Variants in PPP1R21 observed in about 807,000 individuals in gnomAD.
PPP1R21 encodes protein phosphatase 1 regulatory subunit 21.
A neutral mutation model predicts 112.8 loss-of-function variants in PPP1R21; 85 were observed. The observed-to-expected ratio is 0.75, with a 90% CI of 0.63 to 0.90. The LOEUF (loss-of-function observed/expected upper bound fraction) is 0.90. PPP1R21 is among the 40% of genes least tolerant of loss of function. The pLI, the probability that PPP1R21 is intolerant of heterozygous loss-of-function variation, is 0.00. For missense variants in PPP1R21, 1,199 were observed against 901.5 expected (o/e 1.33, Z -4.23); for synonymous variants, 381 against 322.3 (o/e 1.18, Z -1.95).
chr2:48,502,384 C>T (rs1296980118), intron 17 of PPP1R21, among the ~76,000 whole-genome samples: 1 of 148,800 alleles, frequency 6.7e-6, no homozygotes, highest in African/African-American at 2.6e-5. Context: ...GCCTTGCACA[C>T]AGTGCACAAT....
chr2:48,485,767 C>T (rs981962118), intron 13 of PPP1R21, among the ~76,000 whole-genome samples: 1 of 150,912 alleles, frequency 6.6e-6, no homozygotes, highest in African/African-American at 2.4e-5. Context: ...AAACAATCAA[C>T]AAAATTTCTT....
In PPP1R21 at chr2:48,514,908, T is replaced by G. The variant is rs1187552251; in HGVS notation, c.*164T>G. 2 of 622,806 alleles carry G rather than the reference T, an allele frequency of 3.2e-6. No individual in the cohort carries two copies. Among genetic ancestry groups the G allele is most frequent in the Non-Finnish European group, 5.6e-6 (2 of 359,522 alleles). 38.6% of individuals were successfully genotyped at this position (622,806 alleles called of 1,614,324 possible). A position where few individuals can be genotyped will look rare whatever the true frequency, so the allele number is the denominator to read the frequency against. Reference sequence around the variant, plus strand: ...AAACGGCCTTGAAATATTTAAAACATATTTGTAACCAGTGAGGCAAATACA... The same window carrying G: ...AAACGGCCTTGAAATATTTAAAACAGATTTGTAACCAGTGAGGCAAATACA... On this transcript the variant is annotated 3_prime_UTR_variant, in exon 22 of 22. Transcript: ENST00000294952.
chr2:48,461,090 C>G (rs1345323416), intron 6 of PPP1R21, 48 bp from the exon 7 acceptor site: 2 of 1,544,154 alleles, frequency 1.3e-6, no homozygotes, highest in South Asian at 1.3e-5. Context: ...TGAGGATTCA[C>G]TCAGTGATTG....
chr2:48,466,609 G>C (rs1668215328), intron 9 of PPP1R21, among the ~76,000 whole-genome samples: 2 of 152,114 alleles, frequency 1.3e-5, no homozygotes, highest in African/African-American at 4.8e-5. Flanking sequence ...GGGAATGGAG[G>C]TCACTGTAGG....
In PPP1R21 at chr2:48,474,668, T is replaced by G. The variant is rs1223114789; in HGVS notation, c.1089-15T>G. On this transcript the variant is annotated splice_polypyrimidine_tract_variant and intron_variant, in intron 11 of 21. Coordinates refer to ENST00000294952, the MANE Select transcript of PPP1R21 (RefSeq NM_001135629.3). The stretch of plus-strand genomic sequence containing the variant: ...GTTTGGGATGCTCACTTCTTAAAAA[T>G]CTGCCTATTCCTAGTTTAGAAGAAG... 6.3e-7 allele frequency: 1 copy of G among 1,591,844 alleles called. No homozygotes were observed. The highest frequency in any genetic ancestry group is 8.5e-7 in the Non-Finnish European group (1 of 1,170,768).
intron 16 of PPP1R21, 143 bp downstream of exon 16, chr2:48,495,914 C>G: frequency 1.8e-6 from 1 of 553,682 alleles, no homozygotes; most frequent in South Asian, 2.4e-5. Flanking sequence ...TACTAAAAAG[C>G]AAATAGACAT....
chr2:48,490,242 AAG>A lies in PPP1R21; in HGVS notation c.1447-774_1447-773del, dbSNP rs1445590065. 1.5e-4 allele frequency among the ~76,000 whole-genome samples: 23 copies of A among 151,006 alleles called. No individual in the cohort carries two copies. The South Asian group carries it at 4.4e-3, about 29-fold the overall frequency. On this transcript the variant is annotated intron_variant, in intron 14 of 21. Transcript: ENST00000294952. The stretch of plus-strand genomic sequence containing the variant: ...TCAAAAAAAAAAAAAAAAAAAAAGA[AAG>A]AAAAGAAAAAAAGAAACTGCACTTT...
chr2:48,453,390 A>T (rs771818984), intron 2 of PPP1R21, among the ~76,000 whole-genome samples: 3 of 152,024 alleles, frequency 2.0e-5, no homozygotes, highest in South Asian at 2.1e-4. Context: ...ATGACGTCTC[A>T]CTATGTTGCT....
chr2:48,461,228 T>C lies in PPP1R21; in HGVS notation c.690T>C (p.Asp230=), dbSNP rs1239277596. ...SIINEKVPFN[D]TKYSQYNALN... The stretch of plus-strand genomic sequence containing the variant: ...TCAATGAAAAAGTACCTTTTAATGA[T>C]ACAAGTAGGTATTATGTACAGTTTT... Residue 230 remains aspartate (D), a synonymous_variant, in exon 7 of 22, where the codon GAT becomes GAC. Coordinates refer to ENST00000294952, the MANE Select transcript of PPP1R21 (RefSeq NM_001135629.3). The C allele has an allele frequency of 6.4e-7, 1 of 1,572,090 alleles. No homozygotes were observed. The highest frequency in any genetic ancestry group is 2.0e-5 in the Admixed American group (1 of 49,348).
chr2:48,480,458 A>G (rs1173504235), intron 13 of PPP1R21, among the ~76,000 whole-genome samples: 2 of 152,208 alleles, frequency 1.3e-5, no homozygotes, highest in Non-Finnish European at 2.9e-5. Flanking sequence ...AATGCCTTTT[A>G]AAGTCCTGTC....
intron 2 of PPP1R21, among the ~76,000 whole-genome samples, chr2:48,452,133 T>C (rs1667503691): frequency 1.3e-5 from 2 of 152,244 alleles, no homozygotes; most frequent in South Asian, 4.1e-4. Flanking sequence ...GATCATTATA[T>C]CTCCAAATGA....
chr2:48,498,587 A>C lies in PPP1R21; in HGVS notation c.1787A>C (p.Glu596Ala). Reference sequence around the variant, plus strand: ...TTAGCCAAAATCAAGCTAGAGAAAGAAAACCAGCGAATTGCAGATAAGCTG... The same window carrying C: ...TTAGCCAAAATCAAGCTAGAGAAAGCAAACCAGCGAATTGCAGATAAGCTG... ...AQLAKIKLEK[E>A]NQRIADKLKN... The change falls in exon 17 of 22, where the codon GAA (glutamate) becomes GCA (alanine). Residue 596 changes from glutamate to alanine, a missense_variant. By Grantham distance (107) the Glu-to-Ala change is moderately radical. Transcript: ENST00000294952. The C allele has an allele frequency of 2.5e-6, 4 of 1,614,268 alleles. No homozygotes were observed. The highest frequency in any genetic ancestry group is 3.4e-6 in the Non-Finnish European group (4 of 1,180,044).
chr2:48,450,771 A>C (rs1395552809), intron 1 of PPP1R21, among the ~76,000 whole-genome samples: 1 of 150,010 alleles, frequency 6.7e-6, no homozygotes, highest in African/African-American at 2.4e-5. Flanking sequence ...CATTTTTGCC[A>C]TTGATTTTTT....
intron 2 of PPP1R21, among the ~76,000 whole-genome samples, chr2:48,454,318 C>A (rs960182469): frequency 6.6e-6 from 1 of 152,080 alleles, no homozygotes; most frequent in Non-Finnish European, 1.5e-5. Flanking sequence ...TTTGTAGCCT[C>A]AATCTTTGTG....
At chr2:48,447,567 G>C (rs1423762210) in intron 1 of PPP1R21, among the ~76,000 whole-genome samples, 3 of 152,182 alleles carry the variant, frequency 2.0e-5, no homozygotes, top group Non-Finnish European at 4.4e-5. Flanking sequence ...TGACCATCCG[G>C]TAATCTTATA....
chr2:48,449,019 T>C (rs1294409137), intron 1 of PPP1R21, among the ~76,000 whole-genome samples: 1 of 152,150 alleles, frequency 6.6e-6, no homozygotes, highest in African/African-American at 2.4e-5. Flanking sequence ...GAATTTAATC[T>C]CTTCTACTTT....
chr2:48,470,017 A>G (rs1668431904), intron 9 of PPP1R21, among the ~76,000 whole-genome samples: 1 of 152,202 alleles, frequency 6.6e-6, no homozygotes, highest in Admixed American at 6.5e-5. Flanking sequence ...CAGTTGAATC[A>G]CATTTCTGCA....
rs149530881 is a variant in PPP1R21 at position 48,512,499 on chromosome 2, C to T, written c.2313+1031C>T. On this transcript the variant is annotated intron_variant, in intron 21 of 21. Transcript: ENST00000294952. Reference sequence around the variant, plus strand: ...GATTCAGCAGGCATTTATTGAGTTCCTGCTGTGTATACTGGGGAGAAATAG... The same window carrying T: ...GATTCAGCAGGCATTTATTGAGTTCTTGCTGTGTATACTGGGGAGAAATAG... Among the ~76,000 whole-genome samples the T allele has an allele frequency of 3.0e-3, 445 of 147,480 alleles. 16 individuals are homozygous for T. Among genetic ancestry groups the T allele is most frequent in the African/African-American group, 8.4e-3 (313 of 37,214 alleles).
chr2:48,468,544 A>T (rs909329914), intron 9 of PPP1R21, among the ~76,000 whole-genome samples: 1 of 152,150 alleles, frequency 6.6e-6, no homozygotes, highest in African/African-American at 2.4e-5. Flanking sequence ...CAGACACAGT[A>T]GCTCACACCT....
Sources: gnomAD v4.1 joint callset for allele counts (sites outside exome capture counted in the v4.1 genomes callset) on GRCh38, gnomAD v4.1.1 for gene constraint, MANE v1.5 for transcripts, NCBI Gene and HGNC (gene_info 2026-07-23, HGNC 2026-07-21) for gene names.